DYNC2H1: variants seen among roughly 807,000 people sequenced by gnomAD.
DYNC2H1 encodes cytoplasmic dynein 2 heavy chain 1.
Under a neutral mutation model 570.0 loss-of-function variants are expected in DYNC2H1, and 410 were observed. The observed-to-expected ratio is 0.72, with a 90% CI of 0.66 to 0.78. The LOEUF (loss-of-function observed/expected upper bound fraction) is 0.78. DYNC2H1 is among the 30% of genes least tolerant of loss of function. The probability of loss-of-function intolerance (pLI) is 0.00; values close to 1 mark genes in which losing one functional copy is unlikely to be tolerated. For synonymous variants in DYNC2H1, 1,688 were observed against 1,677.6 expected (o/e 1.01, Z -0.15); for missense variants, 4,865 against 5,046.4 (o/e 0.96, Z 1.09).
At chr11:103,374,189 A>G (rs1345621527) in intron 83 of DYNC2H1, among the ~76,000 whole-genome samples, 2 of 152,132 alleles carry the variant, frequency 1.3e-5, no homozygotes, top group African/African-American at 4.8e-5. Flanking sequence ...TTGAATTGTA[A>G]TCCCCATAAT....
At chr11:103,112,727 A>G (rs1356593429) in intron 1 of DYNC2H1, among the ~76,000 whole-genome samples, 1 of 152,212 alleles carries the variant, frequency 6.6e-6, no homozygotes. Context: ...CTTCCTACAC[A>G]GCAGTGACCT....
At position 103,201,237 on chromosome 11, in the gene DYNC2H1, A is replaced by G. The variant is rs995228414; in HGVS notation, c.8197+1083A>G. Reference sequence around the variant, plus strand: ...GAAAAATACCACTTGAAAGAGGACTATCTTAATACAAATACTCTCTAGAAA... The same window carrying G: ...GAAAAATACCACTTGAAAGAGGACTGTCTTAATACAAATACTCTCTAGAAA... On this transcript the variant is annotated intron_variant, in intron 50 of 88. Coordinates refer to ENST00000375735, the MANE Select transcript of DYNC2H1 (RefSeq NM_001377.3). The surrounding 1 kb of genome is among the most constrained non-coding windows in gnomAD (Gnocchi z 4.8). 5.3e-5 allele frequency among the ~76,000 whole-genome samples: 8 copies of G among 152,196 alleles called. No individual in the cohort carries two copies. Among genetic ancestry groups the G allele is most frequent in the African/African-American group, 1.9e-4 (8 of 41,462 alleles).
intron 70 of DYNC2H1, among the ~76,000 whole-genome samples, chr11:103,270,409 A>G (rs1191884685): frequency 1.3e-5 from 2 of 152,122 alleles, no homozygotes; most frequent in Non-Finnish European, 2.9e-5. Flanking sequence ...CTACAGATAT[A>G]TATCAGTGAT....
intron 73 of DYNC2H1, among the ~76,000 whole-genome samples, chr11:103,284,281 A>C (rs1226715776): frequency 6.6e-6 from 1 of 152,148 alleles, no homozygotes; most frequent in Non-Finnish European, 1.5e-5. Context: ...TATATTCAAA[A>C]TTGAGCCCTG....
intron 62 of DYNC2H1, 142 bp from the exon 63 acceptor site, chr11:103,236,288 G>A: frequency 1.7e-6 from 1 of 582,616 alleles, no homozygotes; most frequent in Non-Finnish European, 3.0e-6. Flanking sequence ...TTTCTCCGTG[G>A]GTTTGGGTGT....
In DYNC2H1 at chr11:103,241,537, TG is replaced by T. The variant is rs749876430; in HGVS notation, c.9820-2155del. ...ATTTAACTGCATCAGATCATTGGTTTGAAATCATGGGTAAGAACTTTTTAAA... is the reference window on the plus strand; with the variant it reads ...ATTTAACTGCATCAGATCATTGGTTTAAATCATGGGTAAGAACTTTTTAAA... On this transcript the variant is annotated intron_variant, in intron 63 of 88. Transcript: ENST00000375735. This position sits in a 1 kb window ranked among gnomAD's most constrained non-coding sequence, Gnocchi z 5.1. The T allele has an allele frequency of 6.3e-7, 1 of 1,591,894 alleles. No individual in the cohort carries two copies. Among genetic ancestry groups the T allele is most frequent in the East Asian group, 2.2e-5 (1 of 44,506 alleles).
At position 103,135,597 on chromosome 11, in the gene DYNC2H1, G is replaced by A. The variant is rs754497354; in HGVS notation, c.2308G>A (p.Glu770Lys). 27 of 1,613,318 alleles carry A rather than the reference G, an allele frequency of 1.7e-5. No homozygotes were observed. The South Asian group carries it at 2.9e-4, about 17-fold the overall frequency. ...QYQMGLEALN[E>K]NLPEINIDLT... ...CCAGATGGGCTTAGAAGCACTTAAT[G>A]AGAATTTGCCAGAAATAAATATAGA... The change falls in exon 16 of 89, where the codon GAG (glutamate) becomes AAG (lysine). Residue 770 changes from glutamate (E) to lysine (K), a missense_variant. Glu to Lys is a moderately conservative substitution (Grantham distance 56). Coordinates refer to ENST00000375735, the MANE Select transcript of DYNC2H1 (RefSeq NM_001377.3).
chr11:103,426,880 T>C (rs2135730477), intron 84 of DYNC2H1, among the ~76,000 whole-genome samples: 1 of 152,350 alleles, frequency 6.6e-6, no homozygotes, highest in South Asian at 2.1e-4. Flanking sequence ...AAACGAACAA[T>C]TACTATTGAA....
At chr11:103,391,506 C>T in intron 83 of DYNC2H1, among the ~76,000 whole-genome samples, 1 of 152,240 alleles carries the variant, frequency 6.6e-6, no homozygotes, top group East Asian at 1.9e-4. Flanking sequence ...TCGTCAAAGT[C>T]ATTCTCTGTC....
At chr11:103,215,580 G>GA (rs1863346005) in intron 54 of DYNC2H1, 141 bp from the exon 55 acceptor site, 3 of 725,142 alleles carry the variant, frequency 4.1e-6, no homozygotes, top group Non-Finnish European at 5.9e-6. Flanking sequence ...TTAGCAATAA[G>GA]AAAAAACCTA....
Position 103,461,588 on chromosome 11 carries a change from TCG to T in DYNC2H1, c.12648+5233_12648+5234del, listed in dbSNP as rs1945012706. On this transcript the variant is annotated intron_variant, in intron 87 of 88. Transcript: ENST00000375735. This position sits in a 1 kb window ranked among gnomAD's most constrained non-coding sequence, Gnocchi z 4.8. ...GAGAGAGGATTGCCCTAGCAACACT[TCG>T]AGTGCTCAGTAGCCATATGCGGTAT... is the stretch of plus-strand genomic sequence containing the variant. 6.6e-6 allele frequency among the ~76,000 whole-genome samples: 1 copy of T among 152,176 alleles called. No homozygotes were observed.
At chr11:103,218,305 T>C (rs974293041) in intron 55 of DYNC2H1, among the ~76,000 whole-genome samples, 4 of 152,226 alleles carry the variant, frequency 2.6e-5, no homozygotes, top group Non-Finnish European at 5.9e-5. Flanking sequence ...GTATACTGTA[T>C]GATTCCTTTG....
At chr11:103,389,290 G>T (rs1462056117) in intron 83 of DYNC2H1, among the ~76,000 whole-genome samples, 1 of 152,218 alleles carries the variant, frequency 6.6e-6, no homozygotes, top group East Asian at 1.9e-4. Context: ...TATTTGTGTA[G>T]AGGTGTTTAT....
intron 87 of DYNC2H1, 65 bp downstream of exon 87, chr11:103,456,421 A>G: frequency 1.5e-6 from 2 of 1,339,102 alleles, no homozygotes; most frequent in South Asian, 1.3e-5. Flanking sequence ...GAGATTCTGA[A>G]ATTTTGATCT....
At chr11:103,236,398 G>T in intron 62 of DYNC2H1, 32 bp from the exon 63 acceptor site, 1 of 1,212,340 alleles carries the variant, frequency 8.2e-7, no homozygotes, top group South Asian at 1.2e-5. Context: ...CAAGATCGTT[G>T]TGAAGTATTA....
At chr11:103,156,261 A>C (rs1334384964) in intron 25 of DYNC2H1, 127 bp from the exon 26 acceptor site, 2 of 881,384 alleles carry the variant, frequency 2.3e-6, no homozygotes, top group African/African-American at 3.7e-5. Flanking sequence ...GAGCCACTTA[A>C]CTTTTTTTTT....
At chr11:103,196,401 C>T (rs1201280765) in intron 47 of DYNC2H1, among the ~76,000 whole-genome samples, 1 of 152,114 alleles carries the variant, frequency 6.6e-6, no homozygotes, top group African/African-American at 2.4e-5. Context: ...TTACTCAATA[C>T]TTATCTCAGG....
intron 83 of DYNC2H1, among the ~76,000 whole-genome samples, chr11:103,367,950 C>CT (rs545738332): frequency 1.9e-3 from 296 of 152,064 alleles, no homozygotes; most frequent in African/African-American, 6.6e-3. Flanking sequence ...GAATTTCATT[C>CT]TTTTTTTTCC....
chr11:103,294,243 T>C (rs774194438), intron 75 of DYNC2H1, among the ~76,000 whole-genome samples: 35 of 152,168 alleles, frequency 2.3e-4, no homozygotes, highest in Admixed American at 1.3e-4. Flanking sequence ...GAGGTCATGT[T>C]TTCTTGGATG....
Sources: gnomAD v4.1 joint callset for allele counts (sites outside exome capture counted in the v4.1 genomes callset) on GRCh38, gnomAD v4.1.1 for gene constraint, Gnocchi (gnomAD v3.1) non-coding constraint, MANE v1.5 for transcripts, NCBI Gene and HGNC (gene_info 2026-07-23, HGNC 2026-07-21) for gene names.